SPPL3: variants seen among roughly 807,000 people sequenced by gnomAD.
SPPL3 encodes signal peptide peptidase like 3.
In SPPL3, 5 loss-of-function variants were observed where a neutral mutation model predicts 42.4. The observed-to-expected ratio is 0.12, with a 90% CI of 0.06 to 0.25. The LOEUF is 0.25. Ranked by LOEUF, SPPL3 falls within the 10% of genes least tolerant of loss-of-function variation. The pLI, the probability that SPPL3 is intolerant of heterozygous loss-of-function variation, is 1.00. For missense variants in SPPL3, 235 were observed against 489.0 expected (o/e 0.48, Z 4.90); for synonymous variants, 195 against 181.8 (o/e 1.07, Z -0.58).
chr12:120,864,903 TAACAA>T lies in SPPL3; in HGVS notation c.23+38937_23+38941del, dbSNP rs915643011. On this transcript the variant is annotated intron_variant, in intron 1 of 10. Transcript: ENST00000353487. Reference sequence around the variant, plus strand: ...CTTAAGTGAAACTGGGTTAAAAAAATAACAAAACAAAACTGTAGAGTGTGTGGAAT... The same window carrying T: ...CTTAAGTGAAACTGGGTTAAAAAAATAACAAAACTGTAGAGTGTGTGGAAT... Among the ~76,000 whole-genome samples, 8 of 152,218 alleles carry T rather than the reference TAACAA, an allele frequency of 5.3e-5. No individual in the cohort carries two copies. The East Asian group carries it at 5.8e-4, about 11-fold the overall frequency.
intron 2 of SPPL3, among the ~76,000 whole-genome samples, chr12:120,806,279 C>A (rs568927627): frequency 6.7e-6 from 1 of 149,058 alleles, no homozygotes; most frequent in Admixed American, 6.8e-5. Context: ...TTCACCATAA[C>A]CCCAAACACC....
intron 2 of SPPL3, among the ~76,000 whole-genome samples, chr12:120,797,957 C>T (rs1472446524): frequency 6.6e-6 from 1 of 152,142 alleles, no homozygotes; most frequent in African/African-American, 2.4e-5. Context: ...GTTACTGGTA[C>T]CAAGGAAGCC....
rs938892249 is a variant in SPPL3 at position 120,904,029 on chromosome 12, G to A, written c.-162C>T. 19 of 508,652 alleles carry A rather than the reference G, an allele frequency of 3.7e-5. No individual in the cohort carries two copies. Among genetic ancestry groups the A allele is most frequent in the Admixed American group, 1.4e-4 (3 of 21,230 alleles). The allele number at this position is 508,652 out of a possible 1,614,324, so 31.5% of individuals were successfully genotyped here. A position where few individuals can be genotyped will look rare whatever the true frequency, so the allele number is the denominator to read the frequency against. On this transcript the variant is annotated 5_prime_UTR_variant, in exon 1 of 11. Coordinates refer to ENST00000353487, the MANE Select transcript of SPPL3 (RefSeq NM_139015.5). The stretch of plus-strand genomic sequence containing the variant: ...GCGGGCCGGGAAGGCGGCTGGCGGG[G>A]AGAGGCCGGGCTCCGAAGCGGCCCC...
intron 6 of SPPL3, among the ~76,000 whole-genome samples, chr12:120,780,108 TTGTAGAGA>T (rs2136975887): frequency 6.6e-6 from 1 of 151,426 alleles, no homozygotes; most frequent in East Asian, 2.0e-4. Context: ...TCCCAGTGCT[TTGTAGAGA>T]TGCAGTCTCA....
At chr12:120,780,716 C>T (rs1424089904) in intron 6 of SPPL3, among the ~76,000 whole-genome samples, 5 of 150,620 alleles carry the variant, frequency 3.3e-5, no homozygotes, top group East Asian at 1.9e-4. Flanking sequence ...GGTGAAACCC[C>T]GTCTCTACTA....
intron 1 of SPPL3, among the ~76,000 whole-genome samples, chr12:120,902,313 C>G (rs1458587039): frequency 6.6e-6 from 1 of 152,176 alleles, no homozygotes; most frequent in Non-Finnish European, 1.5e-5. Context: ...TCCCCAACTC[C>G]CTTTCTCTTA....
At chr12:120,869,120 A>G (rs1872848699) in intron 1 of SPPL3, among the ~76,000 whole-genome samples, 3 of 152,216 alleles carry the variant, frequency 2.0e-5, no homozygotes, top group African/African-American at 7.2e-5. Context: ...TCGAGCACCA[A>G]TACACTAGGA....
At chr12:120,833,649 A>G (rs1231610950) in intron 1 of SPPL3, among the ~76,000 whole-genome samples, 4 of 139,644 alleles carry the variant, frequency 2.9e-5, no homozygotes, top group African/African-American at 5.4e-5. Context: ...TGGGCAATAT[A>G]GTGAGACTCC....
chr12:120,785,794 G>T (rs1007430544), intron 3 of SPPL3, among the ~76,000 whole-genome samples: 9 of 142,228 alleles, frequency 6.3e-5, no homozygotes, highest in Non-Finnish European at 1.2e-4. Flanking sequence ...AAACTAAGGA[G>T]ACCCTATCTC....
chr12:120,795,695 G>GT, intron 2 of SPPL3, among the ~76,000 whole-genome samples: 1 of 151,930 alleles, frequency 6.6e-6, no homozygotes. Context: ...TCTTGGTGTA[G>GT]TTTTCTTCAT....
At chr12:120,766,565 G>C (rs3213571) in intron 9 of SPPL3, among the ~76,000 whole-genome samples, 193 bp from the exon 10 acceptor site, 29,533 of 152,126 alleles carry the variant, frequency 0.19, 4,511 homozygotes, top group African/African-American at 0.41. Context: ...ACAACTCCAA[G>C]GACACATGAC....
intron 1 of SPPL3, among the ~76,000 whole-genome samples, chr12:120,834,151 A>G (rs1176663087): frequency 6.6e-6 from 1 of 152,208 alleles, no homozygotes; most frequent in East Asian, 1.9e-4. Context: ...CTGAATACAG[A>G]AAAAAGGAAA....
chr12:120,841,661 G>A (rs960806415), intron 1 of SPPL3, among the ~76,000 whole-genome samples: 10 of 152,124 alleles, frequency 6.6e-5, no homozygotes, highest in Non-Finnish European at 1.5e-4. Flanking sequence ...GAAACAAAAC[G>A]TATTAATTGG....
At chr12:120,768,759 C>G (rs1002072665) in intron 7 of SPPL3, 194 bp downstream of exon 7, 7 of 633,886 alleles carry the variant, frequency 1.1e-5, no homozygotes, top group Non-Finnish European at 1.9e-5. Context: ...CACACACACA[C>G]ACTACCTACT....
At chr12:120,836,739 C>A (rs2137022428) in intron 1 of SPPL3, among the ~76,000 whole-genome samples, 1 of 152,320 alleles carries the variant, frequency 6.6e-6, no homozygotes, top group Non-Finnish European at 1.5e-5. Flanking sequence ...GGGATACTTT[C>A]AGTGTTAGTT....
chr12:120,815,760 T>C (rs1372836935), intron 1 of SPPL3, among the ~76,000 whole-genome samples: 1 of 152,150 alleles, frequency 6.6e-6, no homozygotes, highest in East Asian at 1.9e-4. Flanking sequence ...AGAGTCTCGC[T>C]CTGTCGCCCA....
chr12:120,832,210 C>T (rs1328992131), intron 1 of SPPL3, among the ~76,000 whole-genome samples: 3 of 152,144 alleles, frequency 2.0e-5, no homozygotes, highest in Non-Finnish European at 4.4e-5. Flanking sequence ...AAAAACAGGA[C>T]ACCTTGGAGA....
At chr12:120,901,459 C>T (rs1395558201) in intron 1 of SPPL3, among the ~76,000 whole-genome samples, 1 of 151,812 alleles carries the variant, frequency 6.6e-6, no homozygotes. Flanking sequence ...GGCATGGTGG[C>T]ATGTGGCTGT....
chr12:120,788,037 T>C (rs1271748988), intron 3 of SPPL3, among the ~76,000 whole-genome samples: 1 of 152,240 alleles, frequency 6.6e-6, no homozygotes, highest in Non-Finnish European at 1.5e-5. Context: ...GGAGTGACAC[T>C]GCTGGGTCCA....
Sources: allele counts gnomAD v4.1 joint callset (sites outside exome capture counted in the v4.1 genomes callset), GRCh38; gene constraint gnomAD v4.1.1; transcripts MANE v1.5; gene names NCBI Gene and HGNC (gene_info 2026-07-23, HGNC 2026-07-21).